Variants in SP100 observed in about 807,000 individuals in gnomAD.
SP100 encodes SP100 nuclear body protein.
A neutral mutation model predicts 130.0 loss-of-function variants in SP100; 84 were observed. That is an observed-to-expected ratio of 0.65 (90% confidence interval 0.54 to 0.77). The LOEUF (loss-of-function observed/expected upper bound fraction) is 0.77, where lower values mean the gene tolerates loss of function less well. Among genes scored for constraint, SP100 ranks in the 30% least tolerant of loss-of-function variants. The probability of loss-of-function intolerance (pLI) is 0.00; values close to 1 mark genes in which losing one functional copy is unlikely to be tolerated. For missense variants in SP100, 978 were observed against 1,052.2 expected, an observed-to-expected ratio of 0.93 and a Z score of 0.97; for synonymous variants, 331 against 351.7, an observed-to-expected ratio of 0.94 and a Z score of 0.66.
chr2:230,477,891 C>T (rs900054744), intron 17 of SP100, among the ~76,000 whole-genome samples: 1 of 144,516 alleles, frequency 6.9e-6, no homozygotes, highest in Non-Finnish European at 1.5e-5. Context: ...GCTGAGACTG[C>T]ACCACTGCAC....
intron 17 of SP100, among the ~76,000 whole-genome samples, chr2:230,479,439 C>T (rs113837993): frequency 1.3e-5 from 2 of 152,256 alleles, no homozygotes; most frequent in Admixed American, 6.5e-5. Context: ...CTTCCATTTG[C>T]CAGACCTCAT....
chr2:230,540,632 T>A (rs931266375), intron 25 of SP100, among the ~76,000 whole-genome samples: 1 of 152,162 alleles, frequency 6.6e-6, no homozygotes, highest in Non-Finnish European at 1.5e-5. Flanking sequence ...TTGAGGTGAA[T>A]GAGATTCTGT....
intron 17 of SP100, among the ~76,000 whole-genome samples, chr2:230,475,843 T>C (rs1476716170): frequency 2.0e-5 from 3 of 152,184 alleles, no homozygotes; most frequent in Non-Finnish European, 4.4e-5. Flanking sequence ...GATCAGATGG[T>C]TGTAAGTGAG....
chr2:230,443,155 C>T (rs2063536738), intron 3 of SP100, 56 bp downstream of exon 3: 1 of 1,559,766 alleles, frequency 6.4e-7, no homozygotes. Flanking sequence ...ATAAGTTATG[C>T]TTTGATATCC....
At chr2:230,449,743 G>A in intron 7 of SP100, 33 bp downstream of exon 7, 1 of 1,612,490 alleles carries the variant, frequency 6.2e-7, no homozygotes, top group Non-Finnish European at 8.5e-7. Context: ...GAATGGGGAG[G>A]AGCCAAGGGG....
Position 230,470,007 on chromosome 2 carries a change from T to C in SP100, c.1346-8T>C, listed in dbSNP as rs1384646692. Reference sequence around the variant, plus strand: ...AAGACTGTTAAGGAATTTTATTTTTTTCTGCAGGTTTCAGCAGTAGTGACT... The same window carrying C: ...AAGACTGTTAAGGAATTTTATTTTTCTCTGCAGGTTTCAGCAGTAGTGACT... On this transcript the variant is annotated splice_region_variant and splice_polypyrimidine_tract_variant and intron_variant, in intron 14 of 28. Coordinates refer to ENST00000340126, the MANE Select transcript of SP100 (RefSeq NM_001080391.2). The C allele has an allele frequency of 1.9e-6, 3 of 1,609,948 alleles. No individual in the cohort carries two copies. Among genetic ancestry groups the C allele is most frequent in the Non-Finnish European group, 2.5e-6 (3 of 1,178,000 alleles).
intron 7 of SP100, 63 bp from the exon 8 acceptor site, chr2:230,450,109 C>A: frequency 8.2e-7 from 1 of 1,218,948 alleles, no homozygotes; most frequent in Non-Finnish European, 1.2e-6. Context: ...GAGGTCTAAC[C>A]AAATGGAAAC....
intron 2 of SP100, among the ~76,000 whole-genome samples, chr2:230,422,172 T>C (rs1464294732): frequency 6.6e-6 from 1 of 152,186 alleles, no homozygotes; most frequent in Non-Finnish European, 1.5e-5. Context: ...TGTTTCTCTT[T>C]TATAGCATCT....
chr2:230,480,202 C>G (rs1227466737), intron 17 of SP100, among the ~76,000 whole-genome samples: 3 of 152,290 alleles, frequency 2.0e-5, no homozygotes. Context: ...ACAACTGTAT[C>G]CTCAGCATCT....
At chr2:230,421,521 A>ATC (rs1207441711) in intron 2 of SP100, among the ~76,000 whole-genome samples, 1 of 149,720 alleles carries the variant, frequency 6.7e-6, no homozygotes, top group Non-Finnish European at 1.5e-5. Context: ...ATATATATAT[A>ATC]TCCTACCTTA....
chr2:230,476,211 T>G (rs2065539130), intron 17 of SP100, among the ~76,000 whole-genome samples: 2 of 152,248 alleles, frequency 1.3e-5, no homozygotes, highest in Non-Finnish European at 2.9e-5. Context: ...CTCTGATTTC[T>G]TTCAGCAGTG....
In SP100 at chr2:230,543,099, T is replaced by C. The variant is rs751492159; in HGVS notation, c.*153T>C. On this transcript the variant is annotated 3_prime_UTR_variant, in exon 29 of 29. Transcript: ENST00000340126. Reference sequence around the variant, plus strand: ...TTAAAACCGTCTTTTCAGCTTTCAATAAAATTCAACACCCCTTCATGTTAA... The same window carrying C: ...TTAAAACCGTCTTTTCAGCTTTCAACAAAATTCAACACCCCTTCATGTTAA... 62 of 525,344 alleles carry C rather than the reference T, an allele frequency of 1.2e-4. No individual in the cohort carries two copies. The highest frequency in any genetic ancestry group is 1.0e-5 in the Non-Finnish European group (3 of 289,860). 32.5% of individuals were successfully genotyped at this position (525,344 alleles called of 1,614,324 possible).
chr2:230,497,298 A>T (rs1287321083), intron 18 of SP100, among the ~76,000 whole-genome samples: 1 of 152,054 alleles, frequency 6.6e-6, no homozygotes, highest in Non-Finnish European at 1.5e-5. Flanking sequence ...AAAGACATAG[A>T]TGAACAGAAA....
At chr2:230,523,688 C>T (rs1374850870) in intron 24 of SP100, among the ~76,000 whole-genome samples, 1 of 152,108 alleles carries the variant, frequency 6.6e-6, no homozygotes, top group Non-Finnish European at 1.5e-5. Flanking sequence ...GCAGGCAGAT[C>T]GCCTGAGGTC....
At chr2:230,457,814 C>T (rs910296107) in intron 8 of SP100, among the ~76,000 whole-genome samples, 2 of 152,144 alleles carry the variant, frequency 1.3e-5, no homozygotes, top group African/African-American at 4.8e-5. Flanking sequence ...GAGTCCTATT[C>T]TCCCATCTTG....
intron 17 of SP100, among the ~76,000 whole-genome samples, chr2:230,491,471 G>C (rs2066386327): frequency 6.6e-6 from 1 of 152,202 alleles, no homozygotes; most frequent in Admixed American, 6.5e-5. Context: ...AGTGTGTTGG[G>C]CTGTGAGGGA....
intron 16 of SP100, 42 bp downstream of exon 16, chr2:230,473,482 G>A (rs772277963): frequency 8.5e-7 from 1 of 1,173,010 alleles, no homozygotes. Context: ...TGGCTCAGTG[G>A]ATATCACAGA....
intron 28 of SP100, among the ~76,000 whole-genome samples, chr2:230,542,613 C>T (rs776029232): frequency 7.9e-5 from 12 of 152,136 alleles, no homozygotes; most frequent in Non-Finnish European, 1.6e-4. Flanking sequence ...TAAATTAATC[C>T]ATAAGCTTTT....
At chr2:230,456,432 T>C (rs2064280085) in intron 8 of SP100, among the ~76,000 whole-genome samples, 1 of 152,188 alleles carries the variant, frequency 6.6e-6, no homozygotes, top group Non-Finnish European at 1.5e-5. Context: ...TTGACCTTCT[T>C]GTACCTGGAA....
Sources: allele counts gnomAD v4.1 joint callset (sites outside exome capture counted in the v4.1 genomes callset), GRCh38; gene constraint gnomAD v4.1.1; transcripts MANE v1.5; gene names NCBI Gene and HGNC (gene_info 2026-07-23, HGNC 2026-07-21).